The following PRTFDC1 variants were observed in gnomAD, a reference collection of about 807,000 sequenced individuals.
The protein encoded by PRTFDC1 is phosphoribosyl transferase domain containing 1.
In PRTFDC1, 38 loss-of-function variants were observed where a neutral mutation model predicts 34.6. That is an observed-to-expected ratio of 1.10 (90% CI 0.85 to 1.44). The LOEUF is 1.44. PRTFDC1 is among the 40% of genes most tolerant of loss of function. The pLI, the probability that PRTFDC1 is intolerant of heterozygous loss-of-function variation, is 0.00. For synonymous variants in PRTFDC1, 93 were observed against 98.1 expected, an observed-to-expected ratio of 0.95 and a Z score of 0.31; for missense variants, 270 against 283.0, an observed-to-expected ratio of 0.95 and a Z score of 0.33.
chr10:24,951,708 C>T, intron 1 of PRTFDC1: 1 of 719,056 alleles, frequency 1.4e-6, no homozygotes, highest in East Asian at 1.3e-4. Context: ...CTAGGAAAAC[C>T]ACTTCTCAGG....
intron 1 of PRTFDC1, chr10:24,951,711 T>A (rs182057880): frequency 1.5e-6 from 1 of 676,064 alleles, no homozygotes; most frequent in Admixed American, 6.3e-5. Context: ...GGAAAACCAC[T>A]TCTCAGGGAG....
intron 5 of PRTFDC1, 132 bp downstream of exon 5, chr10:24,858,260 T>A: frequency 1.1e-6 from 1 of 894,272 alleles, no homozygotes; most frequent in Non-Finnish European, 1.8e-6. Context: ...CCCCTATTCA[T>A]TAAATTTGGA....
intron 3 of PRTFDC1, among the ~76,000 whole-genome samples, chr10:24,895,486 G>A (rs1263854189): frequency 6.6e-6 from 1 of 150,562 alleles, no homozygotes; most frequent in African/African-American, 2.4e-5. Context: ...CCTGACCTCA[G>A]GTGATCCACC....
In PRTFDC1 at chr10:24,877,079, T is replaced by C. The variant is rs7082348; in HGVS notation, c.340-5016A>G. ...ACCTACTCCTGAACCTTTCAGGAAT[T>C]TGTGGCACGACCCCCCTACTTCTCA... is the stretch of plus-strand genomic sequence containing the variant. On this transcript the variant is annotated intron_variant, in intron 3 of 8. Coordinates refer to ENST00000320152, the MANE Select transcript of PRTFDC1 (RefSeq NM_020200.7). Among the ~76,000 whole-genome samples the C allele has an allele frequency of 8.1e-3, 1,231 of 152,286 alleles. 21 individuals carry two copies. Among genetic ancestry groups the C allele is most frequent in the African/African-American group, 0.028 (1,155 of 41,546 alleles).
At chr10:24,916,880 T>C (rs1175901675) in intron 3 of PRTFDC1, among the ~76,000 whole-genome samples, 1 of 152,138 alleles carries the variant, frequency 6.6e-6, no homozygotes, top group Non-Finnish European at 1.5e-5. Flanking sequence ...GAACCCTCAA[T>C]AACATCACCT....
At position 24,920,482 on chromosome 10, in the gene PRTFDC1, T is replaced by C. The variant is rs1848771526; in HGVS notation, c.339+16702A>G. 1.3e-5 allele frequency among the ~76,000 whole-genome samples: 2 copies of C among 152,098 alleles called. 1 individual carries two copies. On this transcript the variant is annotated intron_variant, in intron 3 of 8. Coordinates refer to ENST00000320152, the MANE Select transcript of PRTFDC1 (RefSeq NM_020200.7). Reference sequence around the variant, plus strand: ...TCATTTACAAGTGGGAGCTGAACAATGAGAACACATGGACACAAGGAGGGG... The same window carrying C: ...TCATTTACAAGTGGGAGCTGAACAACGAGAACACATGGACACAAGGAGGGG...
chr10:24,928,235 T>C (rs1396361294), intron 3 of PRTFDC1, among the ~76,000 whole-genome samples: 1 of 152,122 alleles, frequency 6.6e-6, no homozygotes, highest in African/African-American at 2.4e-5. Context: ...TATTTCTTTA[T>C]TTTTCCTCTC....
Position 24,945,416 on chromosome 10 carries a change from C to G in PRTFDC1, c.49-2980G>C, listed in dbSNP as rs74377136. On this transcript the variant is annotated intron_variant, in intron 1 of 8. Coordinates refer to ENST00000320152, the MANE Select transcript of PRTFDC1 (RefSeq NM_020200.7). Reference sequence around the variant, plus strand: ...CAAGGTTCTGGAGATTCCAATGTGTCATATCCATTGGCTGACTGATGGCCA... The same window carrying G: ...CAAGGTTCTGGAGATTCCAATGTGTGATATCCATTGGCTGACTGATGGCCA... Among the ~76,000 whole-genome samples, 498 of 152,306 alleles carry G rather than the reference C, an allele frequency of 3.3e-3. 2 individuals carry two copies. The highest frequency in any genetic ancestry group is 0.011 in the African/African-American group (462 of 41,564).
chr10:24,928,652 C>T (rs936027248), intron 3 of PRTFDC1, among the ~76,000 whole-genome samples: 17 of 152,154 alleles, frequency 1.1e-4, no homozygotes, highest in Non-Finnish European at 2.4e-4. Context: ...CCATGTTGGC[C>T]AGGCTGGCCT....
intron 1 of PRTFDC1, chr10:24,951,696 T>G: frequency 1.2e-6 from 1 of 823,250 alleles, no homozygotes; most frequent in Non-Finnish European, 1.5e-6. Flanking sequence ...AACCACCACC[T>G]TCTAGGAAAA....
intron 3 of PRTFDC1, among the ~76,000 whole-genome samples, chr10:24,917,781 C>T (rs1282114740): frequency 6.6e-6 from 1 of 152,094 alleles, no homozygotes; most frequent in Non-Finnish European, 1.5e-5. Context: ...AGATGGAGGT[C>T]TTTTCTTTAC....
At chr10:24,866,782 AAAAG>A (rs1264077433) in intron 4 of PRTFDC1, among the ~76,000 whole-genome samples, 1 of 122,584 alleles carries the variant, frequency 8.2e-6, no homozygotes, top group Admixed American at 8.3e-5. Flanking sequence ...TCCTTGGAAG[AAAAG>A]AAAGAAAGAG....
chr10:24,923,166 C>T (rs1330222579), intron 3 of PRTFDC1, among the ~76,000 whole-genome samples: 1 of 152,206 alleles, frequency 6.6e-6, no homozygotes, highest in African/African-American at 2.4e-5. Flanking sequence ...GGGCAGAGCC[C>T]ACCACAGCTC....
At chr10:24,876,218 C>T (rs963733480) in intron 3 of PRTFDC1, among the ~76,000 whole-genome samples, 1 of 151,118 alleles carries the variant, frequency 6.6e-6, no homozygotes, top group African/African-American at 2.4e-5. Flanking sequence ...ACGTTTCTAC[C>T]AAAACAAAAC....
At chr10:24,887,455 A>G (rs1848188787) in intron 3 of PRTFDC1, among the ~76,000 whole-genome samples, 1 of 103,062 alleles carries the variant, frequency 9.7e-6, no homozygotes, top group Admixed American at 8.6e-5. Context: ...TGATGGTTTT[A>G]TAAGGGCTTC....
chr10:24,894,654 G>T (rs755336528), intron 3 of PRTFDC1, among the ~76,000 whole-genome samples: 4 of 152,212 alleles, frequency 2.6e-5, no homozygotes, highest in African/African-American at 9.6e-5. Context: ...CCCCAGGGCA[G>T]CTCCATTTTT....
chr10:24,896,470 C>T (rs1848366659), intron 3 of PRTFDC1, among the ~76,000 whole-genome samples: 1 of 152,192 alleles, frequency 6.6e-6, no homozygotes, highest in Non-Finnish European at 1.5e-5. Flanking sequence ...TTCCCCAAGT[C>T]TTTAATTAGG....
At chr10:24,889,030 C>G (rs1162800233) in intron 3 of PRTFDC1, among the ~76,000 whole-genome samples, 1 of 152,082 alleles carries the variant, frequency 6.6e-6, no homozygotes, top group Admixed American at 6.6e-5. Flanking sequence ...CCCCCCTCCC[C>G]GACCCTGCCC....
At chr10:24,923,167 A>T (rs1229669345) in intron 3 of PRTFDC1, among the ~76,000 whole-genome samples, 1 of 152,220 alleles carries the variant, frequency 6.6e-6, no homozygotes, top group African/African-American at 2.4e-5. Flanking sequence ...GGCAGAGCCC[A>T]CCACAGCTCA....
Sources: allele counts gnomAD v4.1 joint callset (sites outside exome capture counted in the v4.1 genomes callset), GRCh38; gene constraint gnomAD v4.1.1; transcripts MANE v1.5; gene names NCBI Gene and HGNC (gene_info 2026-07-23, HGNC 2026-07-21).